The following PITPNC1 variants were observed in gnomAD, a reference collection of about 807,000 sequenced individuals.
PITPNC1 encodes phosphatidylinositol transfer protein cytoplasmic 1, also known as cytoplasmic phosphatidylinositol transfer protein 1.
In PITPNC1, 18 loss-of-function variants were observed where a neutral mutation model predicts 44.7. The ratio of observed to expected loss-of-function variants is 0.40; its 90% confidence interval spans 0.28 to 0.60. The LOEUF is 0.60. Among genes scored for constraint, PITPNC1 ranks in the 20% least tolerant of loss-of-function variants. The pLI is 0.39. For synonymous variants in PITPNC1, 141 were observed against 149.6 expected, an observed-to-expected ratio of 0.94 and a Z score of 0.42; for missense variants, 290 against 418.4, an observed-to-expected ratio of 0.69 and a Z score of 2.68.
chr17:67,602,031 G>C (rs569746548), intron 5 of PITPNC1, among the ~76,000 whole-genome samples: 1 of 152,146 alleles, frequency 6.6e-6, no homozygotes, highest in African/African-American at 2.4e-5. Context: ...GATGAGAAGC[G>C]TCAAAGGATT....
intron 1 of PITPNC1, among the ~76,000 whole-genome samples, chr17:67,509,557 T>TAAAAAAAA (rs968819063): frequency 2.1e-4 from 28 of 135,194 alleles, no homozygotes; most frequent in African/African-American, 7.4e-4. Flanking sequence ...TAAATTGAAT[T>TAAAAAAAA]AAAAATAAAT....
chr17:67,428,086 C>T (rs1178405924), intron 1 of PITPNC1, among the ~76,000 whole-genome samples: 1 of 152,148 alleles, frequency 6.6e-6, no homozygotes, highest in Non-Finnish European at 1.5e-5. Flanking sequence ...GCTTGAACTC[C>T]TGGGCTCAAG....
At chr17:67,472,045 C>T (rs1262671863) in intron 1 of PITPNC1, among the ~76,000 whole-genome samples, 1 of 151,848 alleles carries the variant, frequency 6.6e-6, no homozygotes, top group Non-Finnish European at 1.5e-5. Context: ...GATCATTAGA[C>T]TGCAGTTGGG....
intron 6 of PITPNC1, among the ~76,000 whole-genome samples, chr17:67,641,220 A>G (rs2144350347): frequency 6.6e-6 from 1 of 152,318 alleles, no homozygotes; most frequent in Non-Finnish European, 1.5e-5. Context: ...TAATAGGTTT[A>G]TGTTTATTTT....
intron 7 of PITPNC1, among the ~76,000 whole-genome samples, chr17:67,674,320 A>G (rs1161624722): frequency 1.3e-5 from 2 of 152,078 alleles, no homozygotes; most frequent in Non-Finnish European, 2.9e-5. Context: ...CCTGGACAAC[A>G]TGGCGAAACC....
At chr17:67,389,247 A>G (rs538553389) in intron 1 of PITPNC1, among the ~76,000 whole-genome samples, 2 of 152,348 alleles carry the variant, frequency 1.3e-5, no homozygotes, top group East Asian at 1.9e-4. Context: ...AGGAGCTTCT[A>G]CTGCAACTTC....
At chr17:67,530,471 C>G (rs2040447082) in intron 1 of PITPNC1, among the ~76,000 whole-genome samples, 1 of 152,078 alleles carries the variant, frequency 6.6e-6, no homozygotes, top group Non-Finnish European at 1.5e-5. Context: ...CTAAGTTTCC[C>G]TTTATTATAA....
At chr17:67,439,369 C>T (rs2038980218) in intron 1 of PITPNC1, among the ~76,000 whole-genome samples, 1 of 152,136 alleles carries the variant, frequency 6.6e-6, no homozygotes, top group Non-Finnish European at 1.5e-5. Context: ...ACTACATTTG[C>T]AGAAACAAAA....
At chr17:67,474,840 GA>G in intron 1 of PITPNC1, among the ~76,000 whole-genome samples, 1 of 151,304 alleles carries the variant, frequency 6.6e-6, no homozygotes, top group East Asian at 1.9e-4. Flanking sequence ...TTTTCTTGAA[GA>G]GGGGGACTCA....
At chr17:67,625,034 T>C (rs1012980039) in intron 5 of PITPNC1, among the ~76,000 whole-genome samples, 2 of 152,198 alleles carry the variant, frequency 1.3e-5, no homozygotes. Flanking sequence ...TAAAGGAATT[T>C]TTCCTACTGA....
intron 7 of PITPNC1, among the ~76,000 whole-genome samples, chr17:67,673,634 T>A (rs1158113740): frequency 2.6e-5 from 4 of 152,154 alleles, no homozygotes; most frequent in African/African-American, 9.7e-5. Context: ...TTATCTTGTA[T>A]CTCACACATT....
chr17:67,626,714 C>T (rs866741635), intron 5 of PITPNC1, among the ~76,000 whole-genome samples: 13 of 151,922 alleles, frequency 8.6e-5, no homozygotes, highest in Non-Finnish European at 1.3e-4. Context: ...CAATGTAGGA[C>T]CCATCAGCCC....
intron 1 of PITPNC1, among the ~76,000 whole-genome samples, chr17:67,505,715 T>TC (rs936930740): frequency 2.7e-4 from 41 of 152,144 alleles, no homozygotes; most frequent in African/African-American, 8.0e-4. Flanking sequence ...GACCTCATGA[T>TC]CCACCCACCT....
chr17:67,462,932 C>T (rs530722410), intron 1 of PITPNC1, among the ~76,000 whole-genome samples: 35 of 152,232 alleles, frequency 2.3e-4, no homozygotes, highest in Non-Finnish European at 4.3e-4. Context: ...GAACTCCCGA[C>T]GTCAGTTGAT....
intron 1 of PITPNC1, among the ~76,000 whole-genome samples, chr17:67,498,867 T>TC (rs113356443): frequency 8.3e-6 from 1 of 121,134 alleles, no homozygotes; most frequent in African/African-American, 3.1e-5. Flanking sequence ...TTTTTTTTTT[T>TC]GTTTGTTTTT....
At chr17:67,677,002 C>A (rs1166285347) in intron 8 of PITPNC1, among the ~76,000 whole-genome samples, 1 of 152,100 alleles carries the variant, frequency 6.6e-6, no homozygotes, top group Non-Finnish European at 1.5e-5. Context: ...CATGTAGTCT[C>A]CCAGAGACCT....
intron 1 of PITPNC1, among the ~76,000 whole-genome samples, chr17:67,500,040 A>G (rs1326918079): frequency 2.0e-5 from 3 of 152,246 alleles, no homozygotes; most frequent in African/African-American, 4.8e-5. Flanking sequence ...CCTTGAATAT[A>G]TAAGTAGGCT....
intron 1 of PITPNC1, among the ~76,000 whole-genome samples, chr17:67,467,954 C>T (rs542382232): frequency 2.8e-4 from 43 of 152,306 alleles, no homozygotes; most frequent in African/African-American, 9.9e-4. Flanking sequence ...GTATTTCATG[C>T]CAGCCTCTCG....
intron 1 of PITPNC1, among the ~76,000 whole-genome samples, chr17:67,401,692 A>G (rs2038314263): frequency 6.6e-6 from 1 of 151,988 alleles, no homozygotes; most frequent in Non-Finnish European, 1.5e-5. Context: ...AAAAATACAA[A>G]AATTAGCCGG....
Sources: gnomAD v4.1 joint callset for allele counts (sites outside exome capture counted in the v4.1 genomes callset) on GRCh38, gnomAD v4.1.1 for gene constraint, MANE v1.5 for transcripts, NCBI Gene and HGNC (gene_info 2026-07-23, HGNC 2026-07-21) for gene names.